Variants in NCOA1 observed in about 807,000 individuals in gnomAD.
NCOA1 encodes nuclear receptor coactivator 1, also known as Hin-2 protein.
In NCOA1, 35 loss-of-function variants were observed where a neutral mutation model predicts 150.9. The observed-to-expected ratio is 0.23, with a 90% CI of 0.18 to 0.31. The LOEUF (loss-of-function observed/expected upper bound fraction) is 0.31. Among genes scored for constraint, NCOA1 ranks in the 10% least tolerant of loss-of-function variants. The pLI is 1.00. For missense variants in NCOA1, 1,491 were observed against 1,749.3 expected, an observed-to-expected ratio of 0.85 and a Z score of 2.63; for synonymous variants, 590 against 630.0, an observed-to-expected ratio of 0.94 and a Z score of 0.95.
rs200704194 is a variant in NCOA1 at position 24,665,896 on chromosome 2, A to G, written c.237A>G (p.Leu79=). The G allele has an allele frequency of 1.6e-5, 25 of 1,558,102 alleles. No homozygotes were observed. Among genetic ancestry groups the G allele is most frequent in the Non-Finnish European group, 4.3e-6 (5 of 1,151,202 alleles). The change falls in exon 6 of 23, where the codon CTA becomes CTG. Residue 79 remains leucine (L), a synonymous_variant. Coordinates refer to ENST00000348332, the MANE Select transcript of NCOA1 (RefSeq NM_003743.5). ...ILKKTVDQIQ[L]MKRMEQEKST... ...AGAAAACAGTCGATCAGATACAGCT[A>G]ATGAAGAGAATGGAACAAGGTAAAA...
At chr2:24,660,048 C>T (rs1003027115) in intron 5 of NCOA1, among the ~76,000 whole-genome samples, 3 of 152,084 alleles carry the variant, frequency 2.0e-5, no homozygotes, top group African/African-American at 7.2e-5. Context: ...AGAAAAGTGA[C>T]TATTTATCTT....
intron 4 of NCOA1, among the ~76,000 whole-genome samples, chr2:24,648,685 C>T (rs1395915848): frequency 6.6e-6 from 1 of 152,160 alleles, no homozygotes; most frequent in Non-Finnish European, 1.5e-5. Context: ...AATACAATTC[C>T]ATTATTTTGG....
chr2:24,548,087 A>G (rs1034351565), intron 1 of NCOA1, among the ~76,000 whole-genome samples: 3 of 151,968 alleles, frequency 2.0e-5, no homozygotes, highest in Non-Finnish European at 4.4e-5. Flanking sequence ...GAAACTGTAT[A>G]GTATTGTATT....
At chr2:24,628,661 C>A (rs1669539825) in intron 3 of NCOA1, among the ~76,000 whole-genome samples, 1 of 152,004 alleles carries the variant, frequency 6.6e-6, no homozygotes, top group Non-Finnish European at 1.5e-5. Context: ...ACAGTGGAGG[C>A]TGATTTAGAT....
intron 2 of NCOA1, among the ~76,000 whole-genome samples, chr2:24,577,652 T>C (rs1409134327): frequency 6.6e-6 from 1 of 152,236 alleles, no homozygotes; most frequent in Non-Finnish European, 1.5e-5. Context: ...AACTTCCTTT[T>C]TGAGTCAGCT....
intron 17 of NCOA1, among the ~76,000 whole-genome samples, chr2:24,732,706 G>T (rs1663079568): frequency 6.6e-6 from 1 of 152,134 alleles, no homozygotes; most frequent in African/African-American, 2.4e-5. Context: ...CCAAGGTGTG[G>T]TTACTTCAGA....
At chr2:24,615,700 C>G (rs1034979735) in intron 3 of NCOA1, among the ~76,000 whole-genome samples, 1 of 152,158 alleles carries the variant, frequency 6.6e-6, no homozygotes, top group African/African-American at 2.4e-5. Context: ...TTGCAGTTAA[C>G]TTATCTATAT....
chr2:24,539,327 G>A (rs1665294815), intron 1 of NCOA1, among the ~76,000 whole-genome samples: 1 of 152,178 alleles, frequency 6.6e-6, no homozygotes, highest in Non-Finnish European at 1.5e-5. Context: ...GTTGGGGAAG[G>A]AAGCATTAGA....
intron 13 of NCOA1, 111 bp downstream of exon 13, chr2:24,707,999 A>G: frequency 7.6e-7 from 1 of 1,322,440 alleles, no homozygotes; most frequent in Non-Finnish European, 1.0e-6. Context: ...TATCCTATCC[A>G]TTGGGCATAT....
chr2:24,647,962 CATA>C (rs1670550176), intron 4 of NCOA1, among the ~76,000 whole-genome samples: 1 of 152,086 alleles, frequency 6.6e-6, no homozygotes, highest in Non-Finnish European at 1.5e-5. Flanking sequence ...TGTTTGTTAT[CATA>C]ATTATTATTC....
chr2:24,567,348 T>C (rs1666557256), intron 2 of NCOA1, among the ~76,000 whole-genome samples: 1 of 152,238 alleles, frequency 6.6e-6, no homozygotes, highest in Admixed American at 6.5e-5. Flanking sequence ...TTTTACTTGT[T>C]TTTTTAGGTA....
At chr2:24,529,031 C>T (rs1353445171) in intron 1 of NCOA1, among the ~76,000 whole-genome samples, 8 of 152,104 alleles carry the variant, frequency 5.3e-5, no homozygotes, top group East Asian at 1.9e-4. Context: ...GGACTACAGG[C>T]GCCCGCCACC....
At chr2:24,521,623 A>G (rs1001375141) in intron 1 of NCOA1, among the ~76,000 whole-genome samples, 3 of 152,188 alleles carry the variant, frequency 2.0e-5, no homozygotes, top group East Asian at 1.9e-4. Flanking sequence ...TTCTTTATCT[A>G]TTAGTCCATC....
chr2:24,690,651 CAAA>C (rs70947837), intron 8 of NCOA1, among the ~76,000 whole-genome samples: 113 of 38,424 alleles, frequency 2.9e-3, no homozygotes, highest in East Asian at 0.022. Flanking sequence ...GATTCCATCT[CAAA>C]AAAAAAAAAA....
intron 20 of NCOA1, among the ~76,000 whole-genome samples, chr2:24,754,642 G>GC (rs1664413724): frequency 6.6e-6 from 1 of 152,054 alleles, no homozygotes; most frequent in African/African-American, 2.4e-5. Flanking sequence ...TACCCCTGGC[G>GC]CCTCCTTTCC....
chr2:24,760,976 T>C lies in NCOA1; in HGVS notation c.4066-1711T>C, dbSNP rs2148697253. Among the ~76,000 whole-genome samples, 3 of 152,210 alleles carry C rather than the reference T, an allele frequency of 2.0e-5. No individual in the cohort carries two copies. The Middle Eastern group carries it at 0.01, about 518-fold the overall frequency. On this transcript the variant is annotated intron_variant, in intron 21 of 22. Coordinates refer to ENST00000348332, the MANE Select transcript of NCOA1 (RefSeq NM_003743.5). ...AATTCTCCTGCCTCAGCCTTCTGAG[T>C]AGCTGGGAGTACAGGGGTGCGCCAC...
chr2:24,514,361 C>T (rs1664071465), intron 1 of NCOA1, among the ~76,000 whole-genome samples: 1 of 149,120 alleles, frequency 6.7e-6, no homozygotes, highest in Non-Finnish European at 1.5e-5. Context: ...ATCTCTGAGT[C>T]ACATAAGCAT....
At chr2:24,622,567 T>C (rs1669217368) in intron 3 of NCOA1, among the ~76,000 whole-genome samples, 1 of 152,230 alleles carries the variant, frequency 6.6e-6, no homozygotes, top group Non-Finnish European at 1.5e-5. Context: ...CAGAAGGATA[T>C]ACCAATTTCT....
chr2:24,534,948 G>A (rs1043963031), intron 1 of NCOA1, among the ~76,000 whole-genome samples: 3 of 152,194 alleles, frequency 2.0e-5, no homozygotes, highest in Non-Finnish European at 4.4e-5. Context: ...GGAGAGTTCT[G>A]TAGATGTCTA....
Sources: allele counts gnomAD v4.1 joint callset (sites outside exome capture counted in the v4.1 genomes callset), GRCh38; gene constraint gnomAD v4.1.1; transcripts MANE v1.5; gene names NCBI Gene and HGNC (gene_info 2026-07-23, HGNC 2026-07-21).